LYG1: variants seen among roughly 807,000 people sequenced by gnomAD.
The protein encoded by LYG1 is lysozyme g-like protein 1.
LYG1 carries 17 observed loss-of-function variants against 21.7 expected under a neutral mutation model. The ratio of observed to expected loss-of-function variants is 0.78; its 90% CI spans 0.54 to 1.18. The LOEUF (loss-of-function observed/expected upper bound fraction) is 1.18. Ranked by LOEUF, LYG1 falls within the 50% of genes most tolerant of loss-of-function variation. The pLI is 0.00. For missense variants in LYG1, 211 were observed against 238.1 expected, an observed-to-expected ratio of 0.89 and a Z score of 0.75; for synonymous variants, 81 against 87.4, an observed-to-expected ratio of 0.93 and a Z score of 0.41.
intron 2 of LYG1, among the ~76,000 whole-genome samples, chr2:99,298,094 C>T (rs2094142198): frequency 6.6e-6 from 1 of 152,174 alleles, no homozygotes. Flanking sequence ...TATGGCCCAA[C>T]TTTACAAGTG....
chr2:99,285,694 G>T (rs1203852306), intron 5 of LYG1, among the ~76,000 whole-genome samples: 1 of 152,270 alleles, frequency 6.6e-6, no homozygotes, highest in East Asian at 1.9e-4. Context: ...GTCACATGAG[G>T]CTGTCTCATT....
intron 3 of LYG1, among the ~76,000 whole-genome samples, chr2:99,294,839 C>T (rs995207975): frequency 1.2e-4 from 18 of 152,066 alleles, no homozygotes; most frequent in Admixed American, 8.5e-4. Flanking sequence ...GTAGGCTGGG[C>T]GCAGTGGATC....
chr2:99,290,810 A>G (rs915922941), intron 5 of LYG1, among the ~76,000 whole-genome samples: 1 of 152,232 alleles, frequency 6.6e-6, no homozygotes, highest in Non-Finnish European at 1.5e-5. Flanking sequence ...AATCCAACAG[A>G]TATCAGGTAC....
Position 99,284,847 on chromosome 2 carries a change from C to G in LYG1, c.334-27G>C, listed in dbSNP as rs769248850. On this transcript the variant is annotated intron_variant, in intron 5 of 6. Coordinates refer to ENST00000308528, the MANE Select transcript of LYG1 (RefSeq NM_174898.3). The stretch of plus-strand genomic sequence containing the variant: ...TGCAGGGAAGGAGGCAGAGAAGAAG[C>G]CACGTAAGCTGGGTGGGAGGGTGAT... 6.8e-6 allele frequency: 11 copies of G among 1,609,784 alleles called. No homozygotes were observed. In the South Asian group the frequency reaches 1.2e-4, roughly 18 times the overall value.
upstream of LYG1, among the ~76,000 whole-genome samples, chr2:99,301,534 G>A (rs1209212871): frequency 7.4e-6 from 1 of 135,744 alleles, no homozygotes; most frequent in African/African-American, 2.7e-5. Context: ...ATTGAACTTG[G>A]TGTGTCAGAA....
In LYG1 at chr2:99,290,168, G is replaced by A. The variant is rs1199393085; in HGVS notation, c.333+1069C>T. ...CCACTGCGCCTGACCCAAATCTAGG[G>A]AATTCTTATTTCATCTTCAAAGGAA... On this transcript the variant is annotated intron_variant, in intron 5 of 6. Coordinates refer to ENST00000308528, the MANE Select transcript of LYG1 (RefSeq NM_174898.3). Among the ~76,000 whole-genome samples, 3 of 152,222 alleles carry A rather than the reference G, an allele frequency of 2.0e-5. No homozygotes were observed. The East Asian group carries it at 5.8e-4, about 29-fold the overall frequency.
intron 1 of LYG1, among the ~76,000 whole-genome samples, chr2:99,300,033 A>G (rs1254357124): frequency 5.9e-5 from 9 of 152,182 alleles, no homozygotes; most frequent in South Asian, 2.1e-4. Flanking sequence ...AGTAATAGCA[A>G]TGTAGTCACA....
intron 3 of LYG1, 108 bp downstream of exon 3, chr2:99,295,520 G>GA (rs1411196497): frequency 4.4e-6 from 6 of 1,361,424 alleles, no homozygotes; most frequent in Non-Finnish European, 6.3e-6. Flanking sequence ...ACAGTTTAGG[G>GA]AAAAAATAAT....
rs755109980 is a variant in LYG1, at chr2:99,292,685, C to T, written c.44-45G>A. The T allele has an allele frequency of 1.1e-5, 13 of 1,193,734 alleles. No homozygotes were observed. The Admixed American group carries it at 1.9e-4, about 18-fold the overall frequency. 73.9% of individuals were successfully genotyped at this position (1,193,734 alleles called of 1,614,324 possible). On this transcript the variant is annotated intron_variant, in intron 3 of 6. Coordinates refer to ENST00000308528, the MANE Select transcript of LYG1 (RefSeq NM_174898.3). ...CAGCCTAAGGCATGGAACTAGTTCT[C>T]ATCATTCTTCTGTCCATGAATAAAA...
At chr2:99,302,936 T>A (rs1006248908), upstream of LYG1, among the ~76,000 whole-genome samples, 1 of 150,944 alleles carries the variant, frequency 6.6e-6, no homozygotes, top group Non-Finnish European at 1.5e-5. Context: ...GAGAATCAGT[T>A]GAACCAAGAG....
intron 5 of LYG1, among the ~76,000 whole-genome samples, chr2:99,288,738 T>C (rs1009463673): frequency 6.6e-6 from 1 of 152,074 alleles, no homozygotes; most frequent in Non-Finnish European, 1.5e-5. Context: ...CCTGACTGAT[T>C]TTTGTATTTT....
intron 5 of LYG1, among the ~76,000 whole-genome samples, chr2:99,285,953 C>T (rs1308245151): frequency 1.3e-5 from 2 of 152,094 alleles, no homozygotes; most frequent in African/African-American, 2.4e-5. Flanking sequence ...ACTTAATCCC[C>T]GATGTGGCAG....
upstream of LYG1, among the ~76,000 whole-genome samples, chr2:99,304,416 G>T (rs1327838912): frequency 6.6e-6 from 1 of 152,214 alleles, no homozygotes; most frequent in Non-Finnish European, 1.5e-5. Flanking sequence ...CTGTGAATCT[G>T]TTAAACCTCT....
intron 2 of LYG1, among the ~76,000 whole-genome samples, chr2:99,297,850 G>A (rs892230280): frequency 1.3e-5 from 2 of 152,130 alleles, no homozygotes; most frequent in African/African-American, 4.8e-5. Context: ...AAGTAGCTGG[G>A]GCTAGAGGTG....
intron 5 of LYG1, among the ~76,000 whole-genome samples, chr2:99,287,896 T>C (rs944319962): frequency 5.3e-5 from 8 of 152,190 alleles, no homozygotes; most frequent in African/African-American, 1.9e-4. Context: ...TATATCCTAA[T>C]GGATACGTAA....
chr2:99,304,355 C>T (rs1483898564), upstream of LYG1, among the ~76,000 whole-genome samples: 5 of 152,232 alleles, frequency 3.3e-5, no homozygotes, highest in Non-Finnish European at 7.3e-5. Flanking sequence ...CCATGTGAGA[C>T]ATGCCTTTCA....
chr2:99,286,372 T>C (rs1363203616), intron 5 of LYG1, among the ~76,000 whole-genome samples: 1 of 152,170 alleles, frequency 6.6e-6, no homozygotes, highest in Non-Finnish European at 1.5e-5. Flanking sequence ...GCAGCTACCA[T>C]GGAAAACTGT....
intron 2 of LYG1, among the ~76,000 whole-genome samples, chr2:99,296,886 CAT>C (rs1324594927): frequency 6.6e-6 from 1 of 152,100 alleles, no homozygotes; most frequent in Non-Finnish European, 1.5e-5. Context: ...GGTGTGGTGG[CAT>C]ACACCTGTAG....
chr2:99,284,321 C>T lies in LYG1; in HGVS notation c.*72G>A. On this transcript the variant is annotated 3_prime_UTR_variant, in exon 7 of 7. Coordinates refer to ENST00000308528, the MANE Select transcript of LYG1 (RefSeq NM_174898.3). ...AACTCAGATTCCCAGTTACAGGTGC[C>T]CTTGGCTAGTTTTATCTGTGTAACA... is the stretch of plus-strand genomic sequence containing the variant. 2.3e-6 allele frequency: 3 copies of T among 1,320,198 alleles called. No individual in the cohort carries two copies. Among genetic ancestry groups the T allele is most frequent in the Non-Finnish European group, 3.2e-6 (3 of 931,338 alleles). The allele number at this position is 1,320,198 out of a possible 1,614,324, so 81.8% of individuals were successfully genotyped here.
Sources: allele counts gnomAD v4.1 joint callset (sites outside exome capture counted in the v4.1 genomes callset), GRCh38; gene constraint gnomAD v4.1.1; transcripts MANE v1.5; gene names NCBI Gene and HGNC (gene_info 2026-07-23, HGNC 2026-07-21).